Variants in ATP8B1 observed in about 807,000 individuals in gnomAD.
ATP8B1 encodes the protein phospholipid-transporting ATPase IC.
ATP8B1 carries 80 observed loss-of-function variants against 149.9 expected under a neutral mutation model. The ratio of observed to expected loss-of-function variants is 0.53; its 90% CI spans 0.45 to 0.64. The LOEUF (loss-of-function observed/expected upper bound fraction) is 0.64. ATP8B1 is among the 30% of genes least tolerant of loss of function. ATP8B1 has a pLI of 0.00. For synonymous variants in ATP8B1, 536 were observed against 562.8 expected, an observed-to-expected ratio of 0.95 and a Z score of 0.67; for missense variants, 1,247 against 1,552.6, an observed-to-expected ratio of 0.80 and a Z score of 3.31.
chr18:57,654,965 G>A (rs1909894399), intron 23 of ATP8B1, among the ~76,000 whole-genome samples: 1 of 151,640 alleles, frequency 6.6e-6, no homozygotes, highest in Non-Finnish European at 1.5e-5. Flanking sequence ...GGGATTACAG[G>A]CGTGAGCCAC....
chr18:57,685,885 C>T lies in ATP8B1; in HGVS notation c.1430-770G>A, dbSNP rs769023503. 3.3e-5 allele frequency among the ~76,000 whole-genome samples: 5 copies of T among 151,820 alleles called. 1 individual carries two copies. Among genetic ancestry groups the T allele is most frequent in the South Asian group, 2.1e-4 (1 of 4,810 alleles). ...GGTGGAGGTTTCAGTGAGCCAAGAT[C>T]GTGCCACTGCACTCCAGCCTGGGCG... On this transcript the variant is annotated intron_variant, in intron 13 of 27. Transcript: ENST00000648908.
chr18:57,662,248 G>C (rs987399990), intron 21 of ATP8B1, among the ~76,000 whole-genome samples: 1 of 152,064 alleles, frequency 6.6e-6, no homozygotes, highest in Non-Finnish European at 1.5e-5. Flanking sequence ...AATCTATAAA[G>C]AAGAAAATGA....
At chr18:57,719,508 T>A (rs547090396) in intron 2 of ATP8B1, among the ~76,000 whole-genome samples, 1 of 152,236 alleles carries the variant, frequency 6.6e-6, no homozygotes, top group East Asian at 1.9e-4. Flanking sequence ...CGGACGCACC[T>A]GGAAAATCGG....
At chr18:57,800,186 A>G (rs1398603185) in intron 1 of ATP8B1, among the ~76,000 whole-genome samples, 1 of 152,172 alleles carries the variant, frequency 6.6e-6, no homozygotes, top group East Asian at 1.9e-4. Context: ...CTCTTTTTAG[A>G]GAGATTTGGG....
At chr18:57,740,247 C>A (rs944599101) in intron 1 of ATP8B1, among the ~76,000 whole-genome samples, 4 of 151,834 alleles carry the variant, frequency 2.6e-5, no homozygotes, top group African/African-American at 9.7e-5. Flanking sequence ...TAAGCCACCA[C>A]GCCTGGTCCT....
intron 22 of ATP8B1, among the ~76,000 whole-genome samples, chr18:57,655,840 TC>T (rs1217456704): frequency 6.6e-6 from 1 of 152,192 alleles, no homozygotes; most frequent in Non-Finnish European, 1.5e-5. Flanking sequence ...CCAACTTCAT[TC>T]CATCCTTGTT....
At chr18:57,761,917 T>C (rs1599207563) in intron 1 of ATP8B1, among the ~76,000 whole-genome samples, 1 of 124,356 alleles carries the variant, frequency 8.0e-6, no homozygotes, top group East Asian at 2.5e-4. Flanking sequence ...GCCACTGCAC[T>C]CCAGCCTGGT....
chr18:57,700,931 G>A, intron 6 of ATP8B1, 108 bp downstream of exon 6: 1 of 1,207,870 alleles, frequency 8.3e-7, no homozygotes, highest in Non-Finnish European at 1.2e-6. Flanking sequence ...AAAATAAACA[G>A]TTAATGTACT....
intron 22 of ATP8B1, among the ~76,000 whole-genome samples, chr18:57,656,256 C>G (rs1909986855): frequency 6.6e-6 from 1 of 152,100 alleles, no homozygotes; most frequent in Non-Finnish European, 1.5e-5. Flanking sequence ...GTGCTAAACC[C>G]TGACTGACAG....
chr18:57,792,340 G>A (rs868259706), intron 1 of ATP8B1, among the ~76,000 whole-genome samples: 3 of 151,838 alleles, frequency 2.0e-5, no homozygotes, highest in South Asian at 2.1e-4. Context: ...TTGAGACAGG[G>A]TCTTGCCACG....
Position 57,692,681 on chromosome 18 carries a change from T to C in ATP8B1, c.1030-684A>G, listed in dbSNP as rs369156307. On this transcript the variant is annotated intron_variant, in intron 11 of 27. Coordinates refer to ENST00000648908, the MANE Select transcript of ATP8B1 (RefSeq NM_001374385.1). ...AACTCTTGTCCTCAAGTGATCTGCA[T>C]GCCTCAGTCTCCCAAACTGCTGGGA... Among the ~76,000 whole-genome samples the C allele has an allele frequency of 9.9e-5, 15 of 152,264 alleles. No individual in the cohort carries two copies. In the South Asian group the frequency reaches 2.9e-3, roughly 29 times the overall value.
intron 2 of ATP8B1, among the ~76,000 whole-genome samples, chr18:57,719,474 T>C (rs2079616812): frequency 6.6e-6 from 1 of 152,192 alleles, no homozygotes; most frequent in Non-Finnish European, 1.5e-5. Context: ...GGGAGTTCCC[T>C]TTCCGAGTCA....
intron 1 of ATP8B1, among the ~76,000 whole-genome samples, chr18:57,794,184 G>A (rs1388112110): frequency 6.6e-6 from 1 of 152,122 alleles, no homozygotes; most frequent in Non-Finnish European, 1.5e-5. Context: ...TTAAAAACCT[G>A]CTTTTTAAAC....
rs1555691911 is a variant in ATP8B1, at chr18:57,688,315, G to C, written c.1413C>G (p.Ile471Met). 3 of 1,614,118 alleles carry C rather than the reference G, an allele frequency of 1.9e-6. No homozygotes were observed. The highest frequency in any genetic ancestry group is 2.5e-6 in the Non-Finnish European group (3 of 1,180,006). The change falls in exon 13 of 28, where the codon ATC (isoleucine) becomes ATG (methionine). Residue 471 changes from isoleucine (I) to methionine (M), a missense_variant. Transcript: ENST00000648908. Reference sequence around the variant, plus strand: ...TCCACTTACCATATATCTGCCCGTTGATACAGCACTTTTTAAAGGTCATGA... The same window carrying C: ...TCCACTTACCATATATCTGCCCGTTCATACAGCACTTTTTAAAGGTCATGA... ...QNIMTFKKCC[I>M]NGQIYGDHRD...
intron 1 of ATP8B1, among the ~76,000 whole-genome samples, chr18:57,733,401 C>T (rs12104015): frequency 0.064 from 9,672 of 152,106 alleles, 386 homozygotes; most frequent in Middle Eastern, 0.13. Context: ...ATAATTTGCA[C>T]AATGATTATT....
intron 2 of ATP8B1, chr18:57,731,418 T>G: frequency 7.8e-6 from 4 of 513,658 alleles, no homozygotes; most frequent in Non-Finnish European, 1.4e-5. Flanking sequence ...CTGCAGAACT[T>G]GTCAGATATG....
intron 1 of ATP8B1, among the ~76,000 whole-genome samples, chr18:57,767,015 C>T (rs1686640650): frequency 6.6e-6 from 1 of 152,154 alleles, no homozygotes; most frequent in African/African-American, 2.4e-5. Flanking sequence ...CTTGAAATTG[C>T]AAATCTTTCC....
In ATP8B1 at chr18:57,650,372, C is replaced by T; in HGVS notation, c.3526G>A (p.Asp1176Asn). 1 of 1,613,166 alleles carries T rather than the reference C, an allele frequency of 6.2e-7. No homozygotes were observed. The highest frequency in any genetic ancestry group is 1.3e-5 in the African/African-American group (1 of 75,018). The stretch of plus-strand genomic sequence containing the variant: ...AAGGACTATATTCTTTATACCTTAT[C>T]ACTTTCTGATGGCCAGATGGTCATT... ...LSMTIWPSES[D>N]KIQKHRKRLK... Residue 1176 changes from aspartate (D) to asparagine (N), a missense_variant, in exon 27 of 28, where the codon GAT (aspartate) becomes AAT (asparagine). Transcript: ENST00000648908.
intron 1 of ATP8B1, among the ~76,000 whole-genome samples, chr18:57,775,066 C>CA (rs35585457): frequency 0.33 from 49,859 of 151,962 alleles, 8,661 homozygotes; most frequent in Middle Eastern, 0.4. Flanking sequence ...GTAATCCCAA[C>CA]ACTTTGGGAG....
Sources: gnomAD v4.1 joint callset for allele counts (sites outside exome capture counted in the v4.1 genomes callset) on GRCh38, gnomAD v4.1.1 for gene constraint, MANE v1.5 for transcripts, NCBI Gene and HGNC (gene_info 2026-07-23, HGNC 2026-07-21) for gene names.